ZNRF1: variants seen among roughly 807,000 people sequenced by gnomAD.
ZNRF1 encodes the protein E3 ubiquitin-protein ligase ZNRF1.
Under a neutral mutation model 18.4 loss-of-function variants are expected in ZNRF1, and 3 were observed. The observed-to-expected ratio is 0.16, with a 90% confidence interval of 0.07 to 0.42. The LOEUF is 0.42. ZNRF1 is among the 10% of genes least tolerant of loss of function. The pLI is 0.99. For synonymous variants in ZNRF1, 157 were observed against 144.2 expected, an observed-to-expected ratio of 1.09 and a Z score of -0.64; for missense variants, 310 against 329.8, an observed-to-expected ratio of 0.94 and a Z score of 0.47.
At position 75,107,814 on chromosome 16, in the gene ZNRF1, C is replaced by T; in HGVS notation, c.*114C>T. On this transcript the variant is annotated 3_prime_UTR_variant, in exon 5 of 5. Coordinates refer to ENST00000335325, the MANE Select transcript of ZNRF1 (RefSeq NM_032268.5). The stretch of plus-strand genomic sequence containing the variant: ...GCTTGGGACACCAGCGGGAACAGGG[C>T]ACCCCTTCTGCACTGACTTCCAGAT... 1 of 456,478 alleles carries T rather than the reference C, an allele frequency of 2.2e-6. No individual in the cohort carries two copies. The highest frequency in any genetic ancestry group is 1.5e-5 in the South Asian group (1 of 64,560). The allele number at this position is 456,478 out of a possible 1,614,324, so 28.3% of individuals were successfully genotyped here.
In ZNRF1 at chr16:75,107,850, C is replaced by G; in HGVS notation, c.*150C>G. 1 of 456,018 alleles carries G rather than the reference C, an allele frequency of 2.2e-6. No individual in the cohort carries two copies. Among genetic ancestry groups the G allele is most frequent in the South Asian group, 1.5e-5 (1 of 64,520 alleles). The allele number at this position is 456,018 out of a possible 1,614,324, so 28.2% of individuals were successfully genotyped here. A position where few individuals can be genotyped will look rare whatever the true frequency, so the allele number is the denominator to read the frequency against. On this transcript the variant is annotated 3_prime_UTR_variant, in exon 5 of 5. Coordinates refer to ENST00000335325, the MANE Select transcript of ZNRF1 (RefSeq NM_032268.5). Reference sequence around the variant, plus strand: ...CACTGACTTCCAGATCATGGTTCTCCCTTCCTCCCTGAGGACACCAAATTG... The same window carrying G: ...CACTGACTTCCAGATCATGGTTCTCGCTTCCTCCCTGAGGACACCAAATTG...
intron 1 of ZNRF1, among the ~76,000 whole-genome samples, chr16:75,026,058 G>A (rs1295314025): frequency 6.6e-6 from 1 of 152,114 alleles, no homozygotes; most frequent in African/African-American, 2.4e-5. Flanking sequence ...GTCTTGTGTG[G>A]GATTGATCCA....
At position 75,068,160 on chromosome 16, in the gene ZNRF1, C is replaced by T. The variant is rs1463490115; in HGVS notation, c.425-25412C>T. 5.2e-5 allele frequency among the ~76,000 whole-genome samples: 7 copies of T among 133,704 alleles called. 1 individual carries two copies. Among genetic ancestry groups the T allele is most frequent in the African/African-American group, 1.9e-4 (7 of 35,966 alleles). 87.7% of individuals were successfully genotyped at this position (133,704 alleles called of 152,430 possible). On this transcript the variant is annotated intron_variant, in intron 1 of 4. Transcript: ENST00000335325. ...CTTGAGGCCAGGAATTCAAGACCAA[C>T]CTGGTGAAAAAGAGCGAGACCTTGT...
chr16:75,086,594 G>A (rs767175449), intron 1 of ZNRF1, among the ~76,000 whole-genome samples: 16 of 152,186 alleles, frequency 1.1e-4, no homozygotes, highest in Non-Finnish European at 1.6e-4. Context: ...GCTTAGAAAT[G>A]TGAAAGAAAA....
chr16:75,079,886 T>G (rs1452329870), intron 1 of ZNRF1, among the ~76,000 whole-genome samples: 1 of 152,146 alleles, frequency 6.6e-6, no homozygotes, highest in Admixed American at 6.5e-5. Context: ...GACCCCAGCC[T>G]GAGTTGATGG....
chr16:75,027,430 G>A (rs2035240293), intron 1 of ZNRF1, among the ~76,000 whole-genome samples: 1 of 152,108 alleles, frequency 6.6e-6, no homozygotes, highest in South Asian at 2.1e-4. Flanking sequence ...GTAAAATGGT[G>A]GAGTAGATTT....
At chr16:75,009,304 A>G (rs2034964311) in intron 1 of ZNRF1, among the ~76,000 whole-genome samples, 2 of 152,166 alleles carry the variant, frequency 1.3e-5, no homozygotes, top group South Asian at 4.1e-4. Context: ...TATGTAACAA[A>G]ATTTACTATC....
chr16:75,068,653 G>A (rs780641115), intron 1 of ZNRF1, among the ~76,000 whole-genome samples: 7 of 152,032 alleles, frequency 4.6e-5, no homozygotes, highest in East Asian at 1.9e-4. Flanking sequence ...GAGGGCCTCC[G>A]AGACCAGCTG....
intron 1 of ZNRF1, among the ~76,000 whole-genome samples, chr16:75,007,132 A>G (rs973081655): frequency 6.7e-6 from 1 of 149,134 alleles, no homozygotes; most frequent in Non-Finnish European, 1.5e-5. Context: ...ATCATGGCTC[A>G]CTGCAGCCTC....
In ZNRF1 at chr16:75,050,899, C is replaced by CACA. The variant is rs1555511934; in HGVS notation, c.425-42672_425-42671insCAA. Among the ~76,000 whole-genome samples, 94 of 41,154 alleles carry CACA rather than the reference C, an allele frequency of 2.3e-3. 1 individual carries two copies. Among genetic ancestry groups the CACA allele is most frequent in the African/African-American group, 6.6e-3 (89 of 13,430 alleles). 27.0% of individuals were successfully genotyped at this position (41,154 alleles called of 152,430 possible). A position where few individuals can be genotyped will look rare whatever the true frequency, so the allele number is the denominator to read the frequency against. On this transcript the variant is annotated intron_variant, in intron 1 of 4. Coordinates refer to ENST00000335325, the MANE Select transcript of ZNRF1 (RefSeq NM_032268.5). ...AAAAAAAAAAAAAAACAAAAAAAAA[C>CACA]AAAAAACTTGTAGCCAGGTACAGTG...
At position 75,108,784 on chromosome 16, in the gene ZNRF1, C is replaced by G; in HGVS notation, c.*1084C>G. The G allele has an allele frequency of 2.7e-6, 1 of 374,988 alleles. No individual in the cohort carries two copies. Among genetic ancestry groups the G allele is most frequent in the South Asian group, 1.5e-4 (1 of 6,802 alleles). 23.2% of individuals were successfully genotyped at this position (374,988 alleles called of 1,614,324 possible). On this transcript the variant is annotated 3_prime_UTR_variant, in exon 5 of 5. Transcript: ENST00000335325. ...GGGGCAAGGGCCTGCCCCCCACTCCCTCACCTACCTCCTTAGCATTCCTTC... is the reference window on the plus strand; with the variant it reads ...GGGGCAAGGGCCTGCCCCCCACTCCGTCACCTACCTCCTTAGCATTCCTTC...
In ZNRF1 at chr16:75,093,567, T is replaced by C. The variant is rs1194700414; in HGVS notation, c.425-5T>C. 1 of 1,612,102 alleles carries C rather than the reference T, an allele frequency of 6.2e-7. No individual in the cohort carries two copies. Among genetic ancestry groups the C allele is most frequent in the Admixed American group, 1.7e-5 (1 of 60,006 alleles). ...AACATTTCATCCCATTCTCCTCTCT[T>C]TCAGGTTTCAAGTGCCCCATTTGCT... On this transcript the variant is annotated splice_region_variant and splice_polypyrimidine_tract_variant and intron_variant, in intron 1 of 4. Coordinates refer to ENST00000335325, the MANE Select transcript of ZNRF1 (RefSeq NM_032268.5).
chr16:75,088,143 A>G (rs1296971219), intron 1 of ZNRF1, among the ~76,000 whole-genome samples: 1 of 152,224 alleles, frequency 6.6e-6, no homozygotes, highest in East Asian at 1.9e-4. Context: ...GGATGTTTTA[A>G]CCTTCAGGTA....
At chr16:75,060,726 C>A (rs2035732273) in intron 1 of ZNRF1, among the ~76,000 whole-genome samples, 1 of 151,428 alleles carries the variant, frequency 6.6e-6, no homozygotes, top group South Asian at 2.1e-4. Flanking sequence ...GATCCACTTG[C>A]CTCGGCCTCC....
At chr16:75,070,647 G>A (rs2035859497) in intron 1 of ZNRF1, among the ~76,000 whole-genome samples, 1 of 151,994 alleles carries the variant, frequency 6.6e-6, no homozygotes, top group Non-Finnish European at 1.5e-5. Flanking sequence ...GACATCCTAG[G>A]AACCCTCCCC....
At chr16:75,096,061 CGTGTGTGT>C (rs56013949) in intron 2 of ZNRF1, among the ~76,000 whole-genome samples, 1,666 of 139,726 alleles carry the variant, frequency 0.012, 40 homozygotes, top group African/African-American at 0.038. Context: ...TATGTGTGCA[CGTGTGTGT>C]GTGTGTGTGT....
chr16:75,038,820 C>T (rs1179878165), intron 1 of ZNRF1, among the ~76,000 whole-genome samples: 2 of 152,080 alleles, frequency 1.3e-5, no homozygotes, highest in Admixed American at 1.3e-4. Context: ...TCCTTTGAGC[C>T]ATACTGATAA....
At chr16:75,052,623 A>G (rs1011478176) in intron 1 of ZNRF1, among the ~76,000 whole-genome samples, 5 of 152,116 alleles carry the variant, frequency 3.3e-5, no homozygotes, top group African/African-American at 1.2e-4. Context: ...CCTCAGGGCT[A>G]TGACTGCCAT....
At chr16:75,064,247 G>A (rs1445737156) in intron 1 of ZNRF1, among the ~76,000 whole-genome samples, 5 of 152,232 alleles carry the variant, frequency 3.3e-5, no homozygotes, top group African/African-American at 1.2e-4. Context: ...GTTGCGGTGA[G>A]CCAAGATTTG....
Sources: allele counts gnomAD v4.1 joint callset (sites outside exome capture counted in the v4.1 genomes callset), GRCh38; gene constraint gnomAD v4.1.1; transcripts MANE v1.5; gene names NCBI Gene and HGNC (gene_info 2026-07-23, HGNC 2026-07-21).